MBNL2: variants seen among roughly 807,000 people sequenced by gnomAD.
MBNL2 encodes muscleblind like splicing regulator 2.
A neutral mutation model predicts 41.9 loss-of-function variants in MBNL2; 17 were observed. That is an observed-to-expected ratio of 0.41 (90% CI 0.28 to 0.61). MBNL2 has a LOEUF of 0.61. MBNL2 is among the 20% of genes least tolerant of loss of function. MBNL2 has a pLI of 0.35. For synonymous variants in MBNL2, 195 were observed against 182.9 expected (o/e 1.07, Z -0.53); for missense variants, 336 against 505.6 (o/e 0.66, Z 3.22).
chr13:97,219,492 G>A (rs940419833), upstream of MBNL2, among the ~76,000 whole-genome samples: 18 of 152,132 alleles, frequency 1.2e-4, no homozygotes, highest in African/African-American at 3.6e-4. Context: ...AAAGTCCAAC[G>A]TCAGAGTGCC....
the MBNL2 span, among the ~76,000 whole-genome samples, chr13:97,148,074 G>A: frequency 2.6e-5 from 4 of 152,204 alleles, no homozygotes; most frequent in African/African-American, 9.7e-5. Flanking sequence ...AGGATACATG[G>A]TTGAGAAAGA....
At chr13:97,169,089 T>C in the MBNL2 span, among the ~76,000 whole-genome samples, 3 of 152,204 alleles carry the variant, frequency 2.0e-5, no homozygotes, top group Non-Finnish European at 4.4e-5. Context: ...CTTTCAGAAA[T>C]GTACAGGGTG....
At chr13:97,339,514 T>C (rs530989098) in intron 3 of MBNL2, among the ~76,000 whole-genome samples, 1 of 152,130 alleles carries the variant, frequency 6.6e-6, no homozygotes, top group African/African-American at 2.4e-5. Context: ...AAATGGATCC[T>C]GTCTCAGACA....
At chr13:97,269,585 C>T (rs934304676) in intron 1 of MBNL2, among the ~76,000 whole-genome samples, 1 of 152,162 alleles carries the variant, frequency 6.6e-6, no homozygotes, top group East Asian at 1.9e-4. Flanking sequence ...GTATTCCAAC[C>T]CTGCTTCCCA....
Position 97,373,400 on chromosome 13 carries a change from GAGAGAGAGAGAGT to G in MBNL2, c.1048+8243_1048+8255del, listed in dbSNP as rs1189609078. Reference sequence around the variant, plus strand: ...CAAACATTTTGTAGAGAAGGCAGGAGAGAGAGAGAGAGTAGAGAGAGAGAGTGGAAGGATTGAG... The same window carrying G: ...CAAACATTTTGTAGAGAAGGCAGGAGAGAGAGAGAGAGTGGAAGGATTGAG... On this transcript the variant is annotated intron_variant, in intron 8 of 8. Transcript: ENST00000679496. Among the ~76,000 whole-genome samples, 3 of 151,354 alleles carry G rather than the reference GAGAGAGAGAGAGT, an allele frequency of 2.0e-5. No homozygotes were observed. In the South Asian group the frequency reaches 6.3e-4, roughly 32 times the overall value.
the MBNL2 span, among the ~76,000 whole-genome samples, chr13:97,168,518 A>G: frequency 6.6e-6 from 1 of 152,122 alleles, no homozygotes; most frequent in African/African-American, 2.4e-5. Context: ...CTAGCTTATC[A>G]TATTCTAAAT....
At chr13:97,381,831 T>G (rs942515402) in intron 8 of MBNL2, among the ~76,000 whole-genome samples, 1 of 151,728 alleles carries the variant, frequency 6.6e-6, no homozygotes, top group African/African-American at 2.4e-5. Flanking sequence ...CTTAATATTA[T>G]GTTACATATT....
chr13:97,304,541 A>G lies in MBNL2; in HGVS notation c.174+28132A>G, dbSNP rs115731195. On this transcript the variant is annotated intron_variant, in intron 2 of 8. Transcript: ENST00000679496. ...CAAGAATGCAATGATCTGACAAGTG[A>G]AGGATTTCATAGTGGATCATAGTAT... 3.1e-3 allele frequency among the ~76,000 whole-genome samples: 471 copies of G among 152,326 alleles called. 1 individual carries two copies. The highest frequency in any genetic ancestry group is 0.011 in the African/African-American group (450 of 41,564).
In MBNL2 at chr13:97,272,398, G is replaced by A. The variant is rs1012304500; in HGVS notation, c.-604-3234G>A. 2.0e-5 allele frequency among the ~76,000 whole-genome samples: 3 copies of A among 152,088 alleles called. No homozygotes were observed. The South Asian group carries it at 6.2e-4, about 32-fold the overall frequency. ...TGCAAAAATTTTCTCCCATTCTGTAGGTTGCCCGTTCACTCTAATGATAGT... is the reference window on the plus strand; with the variant it reads ...TGCAAAAATTTTCTCCCATTCTGTAAGTTGCCCGTTCACTCTAATGATAGT... On this transcript the variant is annotated intron_variant, in intron 1 of 8. Coordinates refer to ENST00000679496, the MANE Select transcript of MBNL2 (RefSeq NM_001382683.1).
At chr13:97,335,467 T>C (rs2060799784) in intron 3 of MBNL2, among the ~76,000 whole-genome samples, 2 of 151,986 alleles carry the variant, frequency 1.3e-5, no homozygotes. Context: ...CCCTGTGAGA[T>C]GGGGTGTGGA....
At chr13:97,344,020 G>A (rs1469658448) in intron 4 of MBNL2, among the ~76,000 whole-genome samples, 1 of 152,168 alleles carries the variant, frequency 6.6e-6, no homozygotes, top group African/African-American at 2.4e-5. Context: ...TGGTCAGGCT[G>A]GTCTCGAACT....
intron 1 of MBNL2, among the ~76,000 whole-genome samples, chr13:97,263,622 T>A (rs573109170): frequency 2.0e-5 from 3 of 152,312 alleles, no homozygotes; most frequent in African/African-American, 7.2e-5. Flanking sequence ...CCTGTACCTC[T>A]GTTGTTATTT....
intron 2 of MBNL2, among the ~76,000 whole-genome samples, chr13:97,333,727 T>C (rs181768631): frequency 6.6e-6 from 1 of 152,130 alleles, no homozygotes; most frequent in African/African-American, 2.4e-5. Context: ...ACAAATTTGT[T>C]ACATAATTAT....
chr13:97,357,391 T>A (rs2063082419), intron 6 of MBNL2, 91 bp from the exon 7 acceptor site: 4 of 1,115,850 alleles, frequency 3.6e-6, no homozygotes, highest in Non-Finnish European at 5.4e-6. Context: ...CTGTCATTTT[T>A]AAAAAGAATG....
chr13:97,203,326 T>C, the MBNL2 span, among the ~76,000 whole-genome samples: 2 of 152,012 alleles, frequency 1.3e-5, no homozygotes, highest in African/African-American at 2.4e-5. Flanking sequence ...AATTGGCAAA[T>C]ACAAATGGAT....
At chr13:97,239,533 G>C (rs1417502343) in intron 1 of MBNL2, among the ~76,000 whole-genome samples, 2 of 152,188 alleles carry the variant, frequency 1.3e-5, no homozygotes, top group African/African-American at 4.8e-5. Flanking sequence ...AAAAATGAAT[G>C]CATTTTCCCC....
At chr13:97,262,764 T>A (rs1212823635) in intron 1 of MBNL2, among the ~76,000 whole-genome samples, 1 of 152,006 alleles carries the variant, frequency 6.6e-6, no homozygotes, top group East Asian at 1.9e-4. Flanking sequence ...CCTCGCTTTT[T>A]TTTTTAATAA....
At chr13:97,144,420 C>CTTT in the MBNL2 span, among the ~76,000 whole-genome samples, 31 of 87,608 alleles carry the variant, frequency 3.5e-4, no homozygotes, top group African/African-American at 1.5e-3. Context: ...AGACATGATA[C>CTTT]TTCTTTTTTT....
the MBNL2 span, among the ~76,000 whole-genome samples, chr13:97,148,810 G>T: frequency 2.6e-5 from 4 of 152,164 alleles, no homozygotes; most frequent in Non-Finnish European, 4.4e-5. Context: ...ATGAAATTCC[G>T]TAGTAATAAT....
Sources: gnomAD v4.1 joint callset for allele counts (sites outside exome capture counted in the v4.1 genomes callset) on GRCh38, gnomAD v4.1.1 for gene constraint, MANE v1.5 for transcripts, NCBI Gene and HGNC (gene_info 2026-07-23, HGNC 2026-07-21) for gene names.